The following TDRD9 variants were observed in gnomAD, a reference collection of about 807,000 sequenced individuals.
TDRD9 encodes the protein ATP-dependent RNA helicase TDRD9.
Under a neutral mutation model 172.6 loss-of-function variants are expected in TDRD9, and 124 were observed. The observed-to-expected ratio is 0.72, with a 90% CI of 0.62 to 0.83. The LOEUF (loss-of-function observed/expected upper bound fraction) is 0.83, where lower values mean the gene tolerates loss of function less well. Among genes scored for constraint, TDRD9 ranks in the 40% least tolerant of loss-of-function variants. The pLI is 0.00. For synonymous variants in TDRD9, 619 were observed against 617.1 expected, an observed-to-expected ratio of 1.00 and a Z score of -0.05; for missense variants, 1,479 against 1,714.1, an observed-to-expected ratio of 0.86 and a Z score of 2.42.
intron 3 of TDRD9, among the ~76,000 whole-genome samples, chr14:103,963,721 A>T (rs973553194): frequency 1.3e-5 from 2 of 152,256 alleles, no homozygotes; most frequent in African/African-American, 4.8e-5. Context: ...GAGTAAGCGT[A>T]TCGGAACCTT....
intron 1 of TDRD9, among the ~76,000 whole-genome samples, chr14:103,947,314 GT>G (rs1013160136): frequency 6.0e-5 from 9 of 151,164 alleles, no homozygotes; most frequent in African/African-American, 1.2e-4. Flanking sequence ...TGTTTGTTTT[GT>G]TTTTTTTGTT....
Position 103,965,439 on chromosome 14 carries a change from G to C in TDRD9, c.527G>C (p.Arg176Pro). Reference sequence around the variant, plus strand: ...TATATCTTGGACCACTACGTTCAGCGCTCCGCCTACTGCAGCATTGTGGTC... The same window carrying C: ...TATATCTTGGACCACTACGTTCAGCCCTCCGCCTACTGCAGCATTGTGGTC... ...PQYILDHYVQ[R>P]SAYCSIVVTQ... Residue 176 changes from arginine to proline, a missense_variant, in exon 4 of 36, where the codon CGC (arginine) becomes CCC (proline). Transcript: ENST00000409874. 1 of 1,551,586 alleles carries C rather than the reference G, an allele frequency of 6.4e-7. No individual in the cohort carries two copies. The highest frequency in any genetic ancestry group is 8.7e-7 in the Non-Finnish European group (1 of 1,146,990).
chr14:103,969,203 G>T (rs947173517), intron 5 of TDRD9, among the ~76,000 whole-genome samples: 2 of 148,906 alleles, frequency 1.3e-5, no homozygotes, highest in Non-Finnish European at 3.0e-5. Context: ...TATGGAAAAG[G>T]TGCCTCCTAA....
At chr14:103,967,347 C>CAAAAA (rs11444885) in intron 5 of TDRD9, among the ~76,000 whole-genome samples, 9 of 49,732 alleles carry the variant, frequency 1.8e-4, no homozygotes, top group African/African-American at 3.9e-4. Flanking sequence ...ACTAAAAATA[C>CAAAAA]AAAAAAAAAA....
chr14:104,049,368 G>A (rs1010088837), intron 34 of TDRD9: 16 of 297,670 alleles, frequency 5.4e-5, no homozygotes, highest in Non-Finnish European at 9.9e-5. Flanking sequence ...TGGTTGCTAA[G>A]GGAACATAGA....
chr14:103,965,425 CCACTACGTTCAG>C lies in TDRD9; in HGVS notation c.515_526del (p.His172_Gln175del). 4 of 1,551,622 alleles carry C rather than the reference CCACTACGTTCAG, an allele frequency of 2.6e-6. No homozygotes were observed. Among genetic ancestry groups the C allele is most frequent in the Non-Finnish European group, 3.5e-6 (4 of 1,146,982 alleles). Reference sequence around the variant, plus strand: ...CTCAGCTCCCGCAGTATATCTTGGACCACTACGTTCAGCGCTCCGCCTACTGCAGCATTGTGG... The same window carrying C: ...CTCAGCTCCCGCAGTATATCTTGGACCGCTCCGCCTACTGCAGCATTGTGG... On this transcript the variant is annotated inframe_deletion, in exon 4 of 36. Transcript: ENST00000409874.
intron 8 of TDRD9, among the ~76,000 whole-genome samples, chr14:103,987,258 T>G (rs1274782845): frequency 2.0e-5 from 3 of 152,212 alleles, no homozygotes; most frequent in Non-Finnish European, 2.9e-5. Flanking sequence ...TTATACAGTA[T>G]GTATCCTTTT....
intron 5 of TDRD9, 23 bp downstream of exon 5, chr14:103,966,854 A>G: frequency 1.9e-6 from 3 of 1,543,824 alleles, no homozygotes; most frequent in Non-Finnish European, 2.6e-6. Context: ...ATCTACTTGT[A>G]AAGGTCATAT....
intron 1 of TDRD9, among the ~76,000 whole-genome samples, chr14:103,936,538 G>A (rs1017438174): frequency 1.4e-4 from 22 of 152,192 alleles, no homozygotes; most frequent in Admixed American, 9.2e-4. Context: ...CCTAAGGAGT[G>A]TATCAGAGTG....
intron 1 of TDRD9, among the ~76,000 whole-genome samples, chr14:103,930,011 C>A (rs556487185): frequency 3.9e-5 from 6 of 152,266 alleles, no homozygotes; most frequent in Admixed American, 3.3e-4. Context: ...AGAGTATATC[C>A]TCTGTTTTTA....
At chr14:103,979,595 G>A (rs1420643701) in intron 7 of TDRD9, among the ~76,000 whole-genome samples, 2 of 152,178 alleles carry the variant, frequency 1.3e-5, no homozygotes, top group Non-Finnish European at 2.9e-5. Flanking sequence ...ATCTATTCAT[G>A]AGGCATCCGC....
At position 103,938,689 on chromosome 14, in the gene TDRD9, G is replaced by A. The variant is rs890995546; in HGVS notation, c.215+9965G>A. Among the ~76,000 whole-genome samples the A allele has an allele frequency of 2.6e-5, 4 of 151,456 alleles. No individual in the cohort carries two copies. In the South Asian group the frequency reaches 6.2e-4, roughly 24 times the overall value. ...CTTGACCTTGTGATTCGCCCGCCTC[G>A]GCCTCCCAAAGTGCTGGGATTACAG... is the stretch of plus-strand genomic sequence containing the variant. On this transcript the variant is annotated intron_variant, in intron 1 of 35. Transcript: ENST00000409874.
At chr14:103,930,558 G>A (rs927022553) in intron 1 of TDRD9, among the ~76,000 whole-genome samples, 1 of 152,166 alleles carries the variant, frequency 6.6e-6, no homozygotes, top group East Asian at 1.9e-4. Flanking sequence ...TCAAGCTTTC[G>A]TGGGTTGCTT....
At position 103,955,746 on chromosome 14, in the gene TDRD9, A is replaced by G; in HGVS notation, c.298A>G (p.Ser100Gly). 6.4e-7 allele frequency: 1 copy of G among 1,551,328 alleles called. No homozygotes were observed. Among genetic ancestry groups the G allele is most frequent in the African/African-American group, 1.4e-5 (1 of 73,144 alleles). ...AGCACAAGAGCTTGATGTGTGTCGCAGTGTCCAACCAACCAGTGGGCCAGG... is the reference window on the plus strand; with the variant it reads ...AGCACAAGAGCTTGATGTGTGTCGCGGTGTCCAACCAACCAGTGGGCCAGG... ...LEAQELDVCR[S>G]VQPTSGPGPR... The change falls in exon 2 of 36, where the codon AGT (serine) becomes GGT (glycine). Residue 100 changes from serine to glycine, a missense_variant. Physicochemically the swap from Ser to Gly is moderately conservative, Grantham distance 56 (BLOSUM62 0). Transcript: ENST00000409874.
chr14:103,935,697 A>G (rs1007592055), intron 1 of TDRD9, among the ~76,000 whole-genome samples: 1 of 152,096 alleles, frequency 6.6e-6, no homozygotes, highest in African/African-American at 2.4e-5. Flanking sequence ...TTCAGTGTTT[A>G]TAGGTGGATG....
chr14:103,939,671 A>T (rs2152118619), intron 1 of TDRD9: 3 of 86,080 alleles, frequency 3.5e-5, no homozygotes, highest in African/African-American at 4.2e-5. Flanking sequence ...GAATAAAGTT[A>T]GGAGGGTTTT....
At chr14:103,952,219 TA>T (rs1307465066) in intron 1 of TDRD9, among the ~76,000 whole-genome samples, 13 of 45,798 alleles carry the variant, frequency 2.8e-4, no homozygotes, top group African/African-American at 8.4e-4. Flanking sequence ...TATATATATA[TA>T]TTTTTTTTTT....
At chr14:103,973,325 C>G (rs1463896943) in intron 6 of TDRD9, among the ~76,000 whole-genome samples, 2 of 152,190 alleles carry the variant, frequency 1.3e-5, no homozygotes, top group East Asian at 3.8e-4. Context: ...TCAAGAGGAC[C>G]TGGGTGTGGG....
rs2033879610 is a variant in TDRD9, at chr14:103,991,796, T to C, written c.1180+572T>C. 2.6e-5 allele frequency among the ~76,000 whole-genome samples: 4 copies of C among 151,550 alleles called. No individual in the cohort carries two copies. In the South Asian group the frequency reaches 8.3e-4, roughly 32 times the overall value. On this transcript the variant is annotated intron_variant, in intron 9 of 35. Coordinates refer to ENST00000409874, the MANE Select transcript of TDRD9 (RefSeq NM_153046.3). ...TTTTGGAGACAGAGTCTCACTCTGT[T>C]GCCCAGGCAGGGGTACAGTGGCAAA...
Sources: allele counts gnomAD v4.1 joint callset (sites outside exome capture counted in the v4.1 genomes callset), GRCh38; gene constraint gnomAD v4.1.1; transcripts MANE v1.5; gene names NCBI Gene and HGNC (gene_info 2026-07-23, HGNC 2026-07-21).